Variants in SPINK8 observed in about 807,000 individuals in gnomAD.
The protein encoded by SPINK8 is serine protease inhibitor Kazal-type 8.
Under a neutral mutation model 14.4 loss-of-function variants are expected in SPINK8, and 12 were observed. The observed-to-expected ratio is 0.83, with a 90% confidence interval of 0.53 to 1.35. The LOEUF (loss-of-function observed/expected upper bound fraction) is 1.35. SPINK8 is among the 40% of genes most tolerant of loss of function. SPINK8 has a pLI of 0.00. For synonymous variants in SPINK8, 32 were observed against 37.6 expected, an observed-to-expected ratio of 0.85 and a Z score of 0.55; for missense variants, 103 against 117.0, an observed-to-expected ratio of 0.88 and a Z score of 0.55.
At chr3:48,309,832 C>A in intron 7 of SPINK8, 72 bp downstream of exon 7, 1 of 1,386,346 alleles carries the variant, frequency 7.2e-7, no homozygotes, top group South Asian at 1.7e-5. Context: ...CATTTAAAAC[C>A]CTCTAAAACA....
At chr3:48,310,307 A>G (rs1443796026) in intron 6 of SPINK8, among the ~76,000 whole-genome samples, 1 of 152,208 alleles carries the variant, frequency 6.6e-6, no homozygotes, top group Non-Finnish European at 1.5e-5. Flanking sequence ...TACTATGAAC[A>G]ATTGTATGTC....
At chr3:48,318,627 G>A (rs1458771819) in intron 6 of SPINK8, among the ~76,000 whole-genome samples, 5 of 152,204 alleles carry the variant, frequency 3.3e-5, no homozygotes, top group African/African-American at 1.2e-4. Context: ...TACAACTCTC[G>A]TATGGGTTCT....
intron 7 of SPINK8, among the ~76,000 whole-genome samples, chr3:48,307,393 C>T (rs201851767): frequency 1.4e-5 from 2 of 146,788 alleles, no homozygotes; most frequent in East Asian, 3.9e-4. Flanking sequence ...TCTCTTTCCC[C>T]TTCCTTCCTT....
chr3:48,328,086 G>T (rs980108285), intron 4 of SPINK8, among the ~76,000 whole-genome samples, 189 bp downstream of exon 4: 1 of 152,196 alleles, frequency 6.6e-6, no homozygotes, highest in Non-Finnish European at 1.5e-5. Flanking sequence ...GGATGGTTTG[G>T]ATTCAAATCC....
rs1342461064 is a variant in SPINK8, at chr3:48,321,011, G to A, written c.117+14C>T. Reference sequence around the variant, plus strand: ...CCCATTCCTGTTATTAGGAACCAAGGAAGCAGTACTCACTATTGTTTTGTC... The same window carrying A: ...CCCATTCCTGTTATTAGGAACCAAGAAAGCAGTACTCACTATTGTTTTGTC... On this transcript the variant is annotated intron_variant, in intron 5 of 7. Transcript: ENST00000434006. The A allele has an allele frequency of 6.3e-7, 1 of 1,585,468 alleles. No individual in the cohort carries two copies. The highest frequency in any genetic ancestry group is 1.8e-5 in the Admixed American group (1 of 56,086).
At chr3:48,327,736 C>T (rs1344973010) in intron 4 of SPINK8, among the ~76,000 whole-genome samples, 2 of 152,110 alleles carry the variant, frequency 1.3e-5, no homozygotes, top group African/African-American at 4.8e-5. Context: ...TTACAGAACT[C>T]TCCTAAGATG....
intron 6 of SPINK8, among the ~76,000 whole-genome samples, chr3:48,317,043 A>G (rs2036002701): frequency 6.6e-6 from 1 of 152,258 alleles, no homozygotes; most frequent in Admixed American, 6.5e-5. Context: ...TAGACAGTAT[A>G]AACATATTTT....
At chr3:48,317,339 T>A (rs1356551420) in intron 6 of SPINK8, among the ~76,000 whole-genome samples, 3 of 151,882 alleles carry the variant, frequency 2.0e-5, no homozygotes, top group Non-Finnish European at 1.5e-5. Context: ...AATACAAAAA[T>A]TAGCTAGGTG....
rs66504818 is a variant in SPINK8 at position 48,315,720 on chromosome 3, C to CAAAAAAAAAAAAAAAAAAAA, written c.239+3757_239+3776dup. On this transcript the variant is annotated intron_variant, in intron 6 of 7. Transcript: ENST00000434006. ...TGGGTAACAGAGTAAGACTCCATCT[C>CAAAAAAAAAAAAAAAAAAAA]AAAAAAAAAAAAAAAAAAAAAAAAG... 8.7e-4 allele frequency among the ~76,000 whole-genome samples: 19 copies of CAAAAAAAAAAAAAAAAAAAA among 21,922 alleles called. 2 individuals carry two copies. The highest frequency in any genetic ancestry group is 1.4e-3 in the Non-Finnish European group (14 of 10,270). The allele number at this position is 21,922 out of a possible 152,430, so 14.4% of individuals were successfully genotyped here.
chr3:48,318,401 A>G (rs2036023218), intron 6 of SPINK8, among the ~76,000 whole-genome samples: 1 of 152,220 alleles, frequency 6.6e-6, no homozygotes, highest in Non-Finnish European at 1.5e-5. Flanking sequence ...TCGGCCTCCC[A>G]AAGTGCTGGG....
chr3:48,317,898 G>C (rs2036015282), intron 6 of SPINK8, among the ~76,000 whole-genome samples: 1 of 151,964 alleles, frequency 6.6e-6, no homozygotes, highest in Non-Finnish European at 1.5e-5. Context: ...GTGCCACCAT[G>C]CCTGGCTAAT....
At chr3:48,322,851 CT>C (rs1366406161) in intron 4 of SPINK8, among the ~76,000 whole-genome samples, 1 of 152,050 alleles carries the variant, frequency 6.6e-6, no homozygotes, top group Non-Finnish European at 1.5e-5. Context: ...ATTTGAGTTG[CT>C]TTCACTTTTT....
chr3:48,314,092 A>G (rs1032639352), intron 6 of SPINK8, among the ~76,000 whole-genome samples: 1 of 152,190 alleles, frequency 6.6e-6, no homozygotes, highest in African/African-American at 2.4e-5. Flanking sequence ...TCACTTTAAA[A>G]TGGTTCATTT....
chr3:48,332,823 G>A (rs2036283785), intron 1 of SPINK8, among the ~76,000 whole-genome samples: 1 of 152,058 alleles, frequency 6.6e-6, no homozygotes, highest in East Asian at 1.9e-4. Flanking sequence ...CATCAATATA[G>A]CCATCAGGGT....
intron 5 of SPINK8, 114 bp downstream of exon 5, chr3:48,320,911 A>T: frequency 4.1e-6 from 4 of 982,394 alleles, no homozygotes; most frequent in Middle Eastern, 2.2e-4. Context: ...TTGTTCTGTT[A>T]TTCCCATGCA....
intron 6 of SPINK8, among the ~76,000 whole-genome samples, chr3:48,312,893 G>A (rs576908973): frequency 3.1e-4 from 47 of 151,822 alleles, no homozygotes; most frequent in Admixed American, 9.2e-4. Flanking sequence ...AGCTACTCCG[G>A]AGGCTGAGGC....
intron 6 of SPINK8, among the ~76,000 whole-genome samples, chr3:48,319,279 C>T (rs1575343832): frequency 6.6e-6 from 1 of 152,156 alleles, no homozygotes; most frequent in African/African-American, 2.4e-5. Context: ...AGTGCCCTCA[C>T]CTTAGTGGAT....
At chr3:48,323,721 C>T (rs1004145468) in intron 4 of SPINK8, among the ~76,000 whole-genome samples, 1 of 152,168 alleles carries the variant, frequency 6.6e-6, no homozygotes, top group Non-Finnish European at 1.5e-5. Context: ...ACTGAATTGT[C>T]TTCAGAGCTT....
chr3:48,330,305 G>A (rs560494167), intron 2 of SPINK8, among the ~76,000 whole-genome samples: 4 of 152,238 alleles, frequency 2.6e-5, no homozygotes, highest in African/African-American at 9.6e-5. Context: ...GATCGCTTGA[G>A]GCTAGGAGTT....
Sources: allele counts gnomAD v4.1 joint callset (sites outside exome capture counted in the v4.1 genomes callset), GRCh38; gene constraint gnomAD v4.1.1; transcripts MANE v1.5; gene names NCBI Gene and HGNC (gene_info 2026-07-23, HGNC 2026-07-21).